The following ULK4 variants were observed in gnomAD, a reference collection of about 807,000 sequenced individuals.
ULK4 encodes the protein inactive serine/threonine-protein kinase ULK4.
ULK4 carries 133 observed loss-of-function variants against 160.6 expected under a neutral mutation model. The observed-to-expected ratio is 0.83, with a 90% confidence interval of 0.72 to 0.96. The LOEUF is 0.96. Ranked by LOEUF, ULK4 falls within the 40% of genes least tolerant of loss-of-function variation. ULK4 has a pLI of 0.00. For missense variants in ULK4, 1,580 were observed against 1,499.5 expected, an observed-to-expected ratio of 1.05 and a Z score of -0.89; for synonymous variants, 534 against 539.8, an observed-to-expected ratio of 0.99 and a Z score of 0.15.
At chr3:41,549,782 A>G (rs1006064620) in intron 32 of ULK4, among the ~76,000 whole-genome samples, 1 of 152,116 alleles carries the variant, frequency 6.6e-6, no homozygotes, top group Non-Finnish European at 1.5e-5. Flanking sequence ...AAAGAATTCT[A>G]AAAACAGTAA....
At chr3:41,726,276 C>A (rs962457338) in intron 22 of ULK4, among the ~76,000 whole-genome samples, 11 of 152,118 alleles carry the variant, frequency 7.2e-5, no homozygotes, top group African/African-American at 2.7e-4. Flanking sequence ...CTAATGGGAT[C>A]CATAACAGTT....
intron 30 of ULK4, among the ~76,000 whole-genome samples, chr3:41,638,020 A>AG (rs1241226642): frequency 6.6e-6 from 1 of 152,164 alleles, no homozygotes; most frequent in Non-Finnish European, 1.5e-5. Context: ...TTGGCTGTGC[A>AG]GAAGTTTTCT....
At chr3:41,788,920 A>C (rs1173409683) in intron 21 of ULK4, among the ~76,000 whole-genome samples, 1 of 152,318 alleles carries the variant, frequency 6.6e-6, no homozygotes, top group East Asian at 1.9e-4. Context: ...AATATTCTCA[A>C]GCAAAGCTTC....
intron 31 of ULK4, among the ~76,000 whole-genome samples, chr3:41,575,003 C>A (rs2088137944): frequency 6.6e-6 from 1 of 152,112 alleles, no homozygotes; most frequent in African/African-American, 2.4e-5. Context: ...TGGATTTAAA[C>A]CCCTGAAAGG....
chr3:41,285,615 TAA>T (rs2079442221), intron 35 of ULK4, among the ~76,000 whole-genome samples: 1 of 152,108 alleles, frequency 6.6e-6, no homozygotes, highest in Middle Eastern at 3.2e-3. Context: ...AGGCGAGTGA[TAA>T]AAGACTACAA....
intron 34 of ULK4, among the ~76,000 whole-genome samples, chr3:41,402,062 T>G (rs2082192300): frequency 6.6e-6 from 1 of 152,196 alleles, no homozygotes; most frequent in African/African-American, 2.4e-5. Flanking sequence ...TTCCCCATGG[T>G]CACGTCATAC....
chr3:41,405,814 GTTTTT>G (rs34201902), intron 34 of ULK4, among the ~76,000 whole-genome samples: 1 of 149,434 alleles, frequency 6.7e-6, no homozygotes, highest in Non-Finnish European at 1.5e-5. Context: ...TTTTTAATGA[GTTTTT>G]TTTTTGTTTG....
chr3:41,408,537 A>G (rs907537061), intron 34 of ULK4, among the ~76,000 whole-genome samples: 5 of 152,116 alleles, frequency 3.3e-5, no homozygotes, highest in Non-Finnish European at 7.3e-5. Flanking sequence ...AACACACTCA[A>G]AATCGATCTA....
intron 19 of ULK4, among the ~76,000 whole-genome samples, chr3:41,815,270 G>C (rs923167702): frequency 1.3e-5 from 2 of 152,002 alleles, no homozygotes; most frequent in African/African-American, 4.8e-5. Context: ...ATGATTGTTG[G>C]CACAGTTTCA....
intron 35 of ULK4, among the ~76,000 whole-genome samples, chr3:41,371,679 AAAG>A (rs1322661167): frequency 6.6e-6 from 1 of 152,158 alleles, no homozygotes; most frequent in East Asian, 1.9e-4. Flanking sequence ...ATAAATCCAC[AAAG>A]ATGAGGAAAA....
chr3:41,405,705 A>G (rs1398749789), intron 34 of ULK4, among the ~76,000 whole-genome samples: 1 of 151,934 alleles, frequency 6.6e-6, no homozygotes, highest in Non-Finnish European at 1.5e-5. Context: ...TTTGATTTCC[A>G]TTTCTCTGAT....
intron 7 of ULK4, among the ~76,000 whole-genome samples, chr3:41,917,275 A>G (rs2148809996): frequency 6.6e-6 from 1 of 152,100 alleles, no homozygotes; most frequent in African/African-American, 2.4e-5. Flanking sequence ...AGGCCAAGGC[A>G]GGCGGATCAC....
intron 20 of ULK4, among the ~76,000 whole-genome samples, chr3:41,795,821 G>C (rs2040285768): frequency 1.3e-5 from 2 of 152,218 alleles, no homozygotes; most frequent in Non-Finnish European, 2.9e-5. Flanking sequence ...AGCTACTCCA[G>C]TGGTCCAGGT....
intron 35 of ULK4, among the ~76,000 whole-genome samples, chr3:41,300,886 T>TATATATATATATATATA (rs2079782287): frequency 3.1e-5 from 4 of 127,126 alleles, no homozygotes; most frequent in Non-Finnish European, 4.9e-5. Flanking sequence ...TATATATATA[T>TATATATATATATATATA]TTGGTATCTT....
intron 35 of ULK4, among the ~76,000 whole-genome samples, chr3:41,326,371 G>C (rs893365785): frequency 6.6e-6 from 1 of 151,672 alleles, no homozygotes; most frequent in Non-Finnish European, 1.5e-5. Flanking sequence ...ACAATCCCCA[G>C]TTCTCTTTAA....
chr3:41,849,780 A>G (rs1011214209), intron 17 of ULK4, among the ~76,000 whole-genome samples: 1 of 152,068 alleles, frequency 6.6e-6, no homozygotes, highest in Non-Finnish European at 1.5e-5. Flanking sequence ...CTTTCTCTCA[A>G]TTTTGATGTA....
At chr3:41,860,517 T>A (rs1213101818) in intron 17 of ULK4, among the ~76,000 whole-genome samples, 2 of 152,250 alleles carry the variant, frequency 1.3e-5, no homozygotes, top group Non-Finnish European at 2.9e-5. Flanking sequence ...TGAAATCTAT[T>A]GTATGTAATG....
At chr3:41,389,078 AG>A (rs1250657738) in intron 35 of ULK4, among the ~76,000 whole-genome samples, 2 of 152,184 alleles carry the variant, frequency 1.3e-5, no homozygotes, top group East Asian at 3.9e-4. Flanking sequence ...TTCTCCTTGA[AG>A]AGGTCCTTCA....
At chr3:41,908,612 A>G (rs1413203336) in intron 11 of ULK4, among the ~76,000 whole-genome samples, 2 of 151,794 alleles carry the variant, frequency 1.3e-5, no homozygotes, top group Non-Finnish European at 2.9e-5. Context: ...CACCAGGCTA[A>G]TTTTTGTATT....
Sources: gnomAD v4.1 joint callset for allele counts (sites outside exome capture counted in the v4.1 genomes callset) on GRCh38, gnomAD v4.1.1 for gene constraint, MANE v1.5 for transcripts, NCBI Gene and HGNC (gene_info 2026-07-23, HGNC 2026-07-21) for gene names.